Variants in ADAMTS17 observed in about 807,000 individuals in gnomAD.
ADAMTS17 encodes ADAM metallopeptidase with thrombospondin type 1 motif 17, also known as A disintegrin and metalloproteinase with thrombospondin motifs 17.
A neutral mutation model predicts 141.5 loss-of-function variants in ADAMTS17; 113 were observed. The observed-to-expected ratio is 0.80, with a 90% CI of 0.69 to 0.93. ADAMTS17 has a LOEUF of 0.93. Among genes scored for constraint, ADAMTS17 ranks in the 40% least tolerant of loss-of-function variants. The pLI is 0.00. For synonymous variants in ADAMTS17, 768 were observed against 630.6 expected, an observed-to-expected ratio of 1.22 and a Z score of -3.27; for missense variants, 1,659 against 1,517.9, an observed-to-expected ratio of 1.09 and a Z score of -1.54.
chr15:99,997,595 A>G lies in ADAMTS17; in HGVS notation c.2592-6T>C. ...TCCACGGGCCTGCCACCCACCTGCC[A>G]GACGGGAGGAAAGAGAGAGAGAACG... On this transcript the variant is annotated splice_region_variant and splice_polypyrimidine_tract_variant and intron_variant, in intron 18 of 21. Transcript: ENST00000268070. This position sits in a 1 kb window ranked among gnomAD's most constrained non-coding sequence, Gnocchi z 4.7. The G allele has an allele frequency of 6.2e-7, 1 of 1,612,774 alleles. No homozygotes were observed.
At chr15:100,015,795 A>G (rs1288796182) in intron 18 of ADAMTS17, among the ~76,000 whole-genome samples, 1 of 152,158 alleles carries the variant, frequency 6.6e-6, no homozygotes, top group Non-Finnish European at 1.5e-5. Context: ...CACAGCTCTT[A>G]AGATTCTTTC....
At position 100,053,903 on chromosome 15, in the gene ADAMTS17, G is replaced by A. The variant is rs778790094; in HGVS notation, c.2289C>T (p.His763=). 1.5e-5 allele frequency: 25 copies of A among 1,614,082 alleles called. No individual in the cohort carries two copies. The African/African-American group carries it at 2.7e-4, about 17-fold the overall frequency. The change falls in exon 16 of 22, where the codon CAC becomes CAT. Residue 763 remains histidine, a synonymous_variant. Coordinates refer to ENST00000268070, the MANE Select transcript of ADAMTS17 (RefSeq NM_139057.4). ...SAKGPTKLPL[H]LMVLLFHDQD... ...TGGAAGCCCAGCAAGTTACCATCAA[G>A]TGCAGCGGTAGTTTGGTTGGTCCCT... is the stretch of plus-strand genomic sequence containing the variant.
rs1290492594 is a variant in ADAMTS17, at chr15:99,998,926, A to AT, written c.2592-1338dup. On this transcript the variant is annotated intron_variant, in intron 18 of 21. Coordinates refer to ENST00000268070, the MANE Select transcript of ADAMTS17 (RefSeq NM_139057.4). ...TCTGACAGCCACTCAGTTCCTCCTCATTAGTCAAAAACAGTCCTGAATCCC... is the reference window on the plus strand; with the variant it reads ...TCTGACAGCCACTCAGTTCCTCCTCATTTAGTCAAAAACAGTCCTGAATCCC... Among the ~76,000 whole-genome samples the AT allele has an allele frequency of 2.0e-5, 3 of 152,158 alleles. No individual in the cohort carries two copies. The East Asian group carries it at 5.8e-4, about 29-fold the overall frequency.
chr15:100,153,237 T>A (rs1351479157), intron 9 of ADAMTS17, among the ~76,000 whole-genome samples: 1 of 152,164 alleles, frequency 6.6e-6, no homozygotes, highest in African/African-American at 2.4e-5. Context: ...GACCTCGGTG[T>A]CTCACTTGAC....
chr15:100,330,459 CTG>C lies in ADAMTS17; in HGVS notation c.616+428_616+429del, dbSNP rs769844376. Among the ~76,000 whole-genome samples, 3 of 152,276 alleles carry C rather than the reference CTG, an allele frequency of 2.0e-5. No homozygotes were observed. In the East Asian group the frequency reaches 5.8e-4, roughly 29 times the overall value. ...TGATGCTGCTGGCCCGGGGGCCACA[CTG>C]TAAGAATCGAGAATCGAATCACAGC... On this transcript the variant is annotated intron_variant, in intron 3 of 21. Transcript: ENST00000268070.
chr15:100,221,165 C>T (rs1035124449), intron 7 of ADAMTS17, among the ~76,000 whole-genome samples: 2 of 152,032 alleles, frequency 1.3e-5, no homozygotes, highest in African/African-American at 4.8e-5. Flanking sequence ...AACAGTGACA[C>T]CTACAAGATG....
chr15:100,314,349 A>G (rs2045495785), intron 3 of ADAMTS17, among the ~76,000 whole-genome samples: 1 of 152,256 alleles, frequency 6.6e-6, no homozygotes, highest in South Asian at 2.1e-4. Context: ...TGTATCCCCT[A>G]AGTCTATCCT....
chr15:100,211,988 G>T (rs2041823372), intron 7 of ADAMTS17, among the ~76,000 whole-genome samples: 1 of 152,098 alleles, frequency 6.6e-6, no homozygotes, highest in South Asian at 2.1e-4. Flanking sequence ...CCTGGGAAGT[G>T]GCAGGTCACC....
intron 4 of ADAMTS17, among the ~76,000 whole-genome samples, chr15:100,271,185 G>A (rs1180135054): frequency 6.6e-6 from 1 of 152,090 alleles, no homozygotes; most frequent in Non-Finnish European, 1.5e-5. Flanking sequence ...TTTAGTTATG[G>A]TGAATAATCC....
chr15:99,973,804 A>G lies in ADAMTS17; in HGVS notation c.*598T>C. ...TTTACACTCCACGCACGAGACTTCC[A>G]AGGCAACACCTAGGATTTAGAGACT... On this transcript the variant is annotated 3_prime_UTR_variant, in exon 22 of 22. Transcript: ENST00000268070. The G allele has an allele frequency of 1.1e-5, 2 of 183,902 alleles. No homozygotes were observed. The highest frequency in any genetic ancestry group is 2.3e-5 in the Non-Finnish European group (2 of 87,004). 11.4% of individuals were successfully genotyped at this position (183,902 alleles called of 1,614,324 possible). A position where few individuals can be genotyped will look rare whatever the true frequency, so the allele number is the denominator to read the frequency against.
At chr15:100,239,572 A>T (rs570832502) in intron 7 of ADAMTS17, among the ~76,000 whole-genome samples, 1 of 152,234 alleles carries the variant, frequency 6.6e-6, no homozygotes, top group East Asian at 1.9e-4. Flanking sequence ...GGAAGCAATG[A>T]GAAGGGGGTC....
chr15:100,109,012 G>C lies in ADAMTS17; in HGVS notation c.1993C>G (p.Leu665Val), dbSNP rs149304758. The C allele has an allele frequency of 1.9e-6, 3 of 1,614,114 alleles. No homozygotes were observed. Among genetic ancestry groups the C allele is most frequent in the African/African-American group, 1.3e-5 (1 of 75,066 alleles). The change falls in exon 14 of 22, where the codon CTC (leucine) becomes GTC (valine). Residue 665 changes from leucine to valine, a missense_variant. Transcript: ENST00000268070. ...GTPCGPYETDLCVHGKCQKIG... is the reference protein window; with the variant it reads ...GTPCGPYETDVCVHGKCQKIG... ...ACCTGGCACTTGCCGTGCACGCAGA[G>C]ATCAGTCTCGTAGGGCCCGCAGGGT... is the stretch of plus-strand genomic sequence containing the variant.
At chr15:100,024,829 G>A (rs975115875) in intron 18 of ADAMTS17, among the ~76,000 whole-genome samples, 2 of 152,166 alleles carry the variant, frequency 1.3e-5, no homozygotes, top group African/African-American at 4.8e-5. Flanking sequence ...GTTCCCTGCC[G>A]GTCAATGTTT....
rs952320443 is a variant in ADAMTS17, at chr15:100,179,885, T to C, written c.1181+19433A>G. On this transcript the variant is annotated intron_variant, in intron 8 of 21. Coordinates refer to ENST00000268070, the MANE Select transcript of ADAMTS17 (RefSeq NM_139057.4). ...TTTTAAATCAGATTATAAGATTTTT[T>C]CCTAAGAGTTGTTTGAGCTCCTTAT... is the stretch of plus-strand genomic sequence containing the variant. Among the ~76,000 whole-genome samples the C allele has an allele frequency of 1.2e-4, 19 of 152,242 alleles. 1 individual carries two copies. Among genetic ancestry groups the C allele is most frequent in the African/African-American group, 4.3e-4 (18 of 41,458 alleles).
In ADAMTS17 at chr15:100,215,227, C is replaced by T. The variant is rs144144332; in HGVS notation, c.1076-15804G>A. Reference sequence around the variant, plus strand: ...GCAATTAAACCAGAAGTTGGTGAAGCAAACTTCCCAAAGTGAAGCAAGATG... The same window carrying T: ...GCAATTAAACCAGAAGTTGGTGAAGTAAACTTCCCAAAGTGAAGCAAGATG... On this transcript the variant is annotated intron_variant, in intron 7 of 21. Coordinates refer to ENST00000268070, the MANE Select transcript of ADAMTS17 (RefSeq NM_139057.4). 1.6e-3 allele frequency among the ~76,000 whole-genome samples: 247 copies of T among 152,330 alleles called. 7 individuals are homozygous for T. The South Asian group carries it at 0.044, about 27-fold the overall frequency.
intron 8 of ADAMTS17, among the ~76,000 whole-genome samples, chr15:100,198,685 C>T (rs1394876931): frequency 1.3e-5 from 2 of 152,214 alleles, no homozygotes; most frequent in Admixed American, 1.3e-4. Flanking sequence ...CTTTCTGCCG[C>T]TTGAGGCTTC....
intron 18 of ADAMTS17, among the ~76,000 whole-genome samples, chr15:100,037,389 G>T (rs2030829227): frequency 6.6e-6 from 1 of 151,412 alleles, no homozygotes. Context: ...AGCTGTAGTA[G>T]CTCTTTAGGT....
At chr15:100,330,358 T>C (rs1022219332) in intron 3 of ADAMTS17, among the ~76,000 whole-genome samples, 1 of 152,208 alleles carries the variant, frequency 6.6e-6, no homozygotes, top group Admixed American at 6.5e-5. Flanking sequence ...TACAGATGAC[T>C]GGACCCTCCC....
intron 15 of ADAMTS17, among the ~76,000 whole-genome samples, chr15:100,093,832 G>A (rs2035608680): frequency 6.6e-6 from 1 of 152,134 alleles, no homozygotes; most frequent in African/African-American, 2.4e-5. Context: ...ACTTATTTCT[G>A]TATACCTAGC....
Sources: gnomAD v4.1 joint callset for allele counts (sites outside exome capture counted in the v4.1 genomes callset) on GRCh38, gnomAD v4.1.1 for gene constraint, Gnocchi (gnomAD v3.1) non-coding constraint, MANE v1.5 for transcripts, NCBI Gene and HGNC (gene_info 2026-07-23, HGNC 2026-07-21) for gene names.